Variants in NELL2 observed in about 807,000 individuals in gnomAD.
NELL2 encodes neural EGFL like 2.
Under a neutral mutation model 109.6 loss-of-function variants are expected in NELL2, and 41 were observed. The ratio of observed to expected loss-of-function variants is 0.37; its 90% CI spans 0.29 to 0.49. NELL2 has a LOEUF of 0.49. Ranked by LOEUF, NELL2 falls within the 20% of genes least tolerant of loss-of-function variation. NELL2 has a pLI of 0.98. For synonymous variants in NELL2, 355 were observed against 344.7 expected, an observed-to-expected ratio of 1.03 and a Z score of -0.33; for missense variants, 900 against 1,008.3, an observed-to-expected ratio of 0.89 and a Z score of 1.45.
intron 12 of NELL2, among the ~76,000 whole-genome samples, chr12:44,699,446 G>A (rs947341848): frequency 2.6e-5 from 4 of 152,072 alleles, no homozygotes; most frequent in African/African-American, 7.2e-5. Context: ...GTTATCATCT[G>A]CCTGGCTGAG....
intron 1 of NELL2, among the ~76,000 whole-genome samples, chr12:44,890,496 A>G (rs1452660300): frequency 6.6e-6 from 1 of 152,162 alleles, no homozygotes; most frequent in East Asian, 1.9e-4. Context: ...TTTATTCAAG[A>G]GGTATTTGTG....
chr12:44,795,149 A>T (rs1034226066), intron 3 of NELL2, among the ~76,000 whole-genome samples: 1 of 152,204 alleles, frequency 6.6e-6, no homozygotes, highest in Admixed American at 6.5e-5. Flanking sequence ...GGTTGCACAC[A>T]ACATGAAATG....
intron 3 of NELL2, among the ~76,000 whole-genome samples, chr12:44,795,202 T>C (rs961740829): frequency 3.3e-5 from 5 of 152,106 alleles, no homozygotes; most frequent in African/African-American, 1.2e-4. Context: ...AATAGGAAAA[T>C]GATCAGACCA....
rs1942134217 is a variant in NELL2, at chr12:44,532,720, G to A, written c.1665C>T (p.Asp555=). The A allele has an allele frequency of 6.2e-7, 1 of 1,601,784 alleles. No homozygotes were observed. Among genetic ancestry groups the A allele is most frequent in the Non-Finnish European group, 8.5e-7 (1 of 1,175,240 alleles). ...CAAAACCATCAGAGCATTCATCAAT[G>A]TCTGGCAAAAAAAGAGGGATTTTAT... ...QGFTGPSCET[D]IDECSDGFVQ... Residue 555 remains aspartate, a splice_region_variant and synonymous_variant, in exon 16 of 20, where the codon GAC becomes GAT. Coordinates refer to ENST00000429094, the MANE Select transcript of NELL2 (RefSeq NM_001145108.2).
At chr12:44,727,100 C>T (rs1187531536) in intron 9 of NELL2, among the ~76,000 whole-genome samples, 2 of 152,048 alleles carry the variant, frequency 1.3e-5, no homozygotes, top group Non-Finnish European at 2.9e-5. Context: ...GATACTAATG[C>T]TGCTGGTTCA....
intron 15 of NELL2, among the ~76,000 whole-genome samples, chr12:44,602,736 C>T (rs1162808204): frequency 6.6e-6 from 1 of 151,800 alleles, no homozygotes; most frequent in African/African-American, 2.4e-5. Flanking sequence ...TTTTTTTAGA[C>T]TTCGTATGTA....
chr12:44,775,329 G>A (rs1941715237), intron 8 of NELL2, among the ~76,000 whole-genome samples: 1 of 146,832 alleles, frequency 6.8e-6, no homozygotes, highest in African/African-American at 2.7e-5. Flanking sequence ...GAATAAACTG[G>A]ATGAACTTTG....
intron 2 of NELL2, among the ~76,000 whole-genome samples, chr12:44,835,807 C>G (rs1324517974): frequency 6.6e-6 from 1 of 152,172 alleles, no homozygotes; most frequent in Admixed American, 6.5e-5. Flanking sequence ...CAAGATGAGA[C>G]AGAGGGATGC....
intron 9 of NELL2, among the ~76,000 whole-genome samples, chr12:44,763,373 T>C (rs560800703): frequency 6.6e-6 from 1 of 152,200 alleles, no homozygotes; most frequent in Non-Finnish European, 1.5e-5. Context: ...TTTAAAAGCA[T>C]GATGCTTACC....
At chr12:44,881,870 T>C (rs1413147959) in intron 1 of NELL2, 1 of 151,582 alleles carries the variant, frequency 6.6e-6, no homozygotes, top group Non-Finnish European at 1.5e-5. Context: ...GAACTATCAA[T>C]AGAGAAGAAA....
At chr12:44,543,759 C>T (rs942677117) in intron 15 of NELL2, among the ~76,000 whole-genome samples, 2 of 152,152 alleles carry the variant, frequency 1.3e-5, no homozygotes, top group African/African-American at 4.8e-5. Flanking sequence ...GGTTTCTCTA[C>T]CAATTCTAGT....
In NELL2 at chr12:44,513,797, C is replaced by T. The variant is rs567087721; in HGVS notation, c.2401-4813G>A. Among the ~76,000 whole-genome samples the T allele has an allele frequency of 2.6e-5, 4 of 151,436 alleles. No individual in the cohort carries two copies. The South Asian group carries it at 6.2e-4, about 24-fold the overall frequency. ...CTTTAGGATAATTAAACCATCTAAG[C>T]GAATGTTTAATTGGAGTCTCAGAAA... On this transcript the variant is annotated intron_variant, in intron 19 of 19. Transcript: ENST00000429094.
intron 15 of NELL2, among the ~76,000 whole-genome samples, chr12:44,568,727 G>A (rs1943753102): frequency 6.6e-6 from 1 of 151,678 alleles, no homozygotes; most frequent in African/African-American, 2.4e-5. Flanking sequence ...ATGTATATGT[G>A]TACATACATA....
intron 13 of NELL2, among the ~76,000 whole-genome samples, chr12:44,637,911 A>G (rs1946704138): frequency 6.6e-6 from 1 of 152,018 alleles, no homozygotes; most frequent in South Asian, 2.1e-4. Context: ...CAAAATTACT[A>G]CAACAGCAGT....
At chr12:44,699,026 A>AT (rs1361184853) in intron 12 of NELL2, among the ~76,000 whole-genome samples, 4 of 152,164 alleles carry the variant, frequency 2.6e-5, no homozygotes, top group African/African-American at 9.6e-5. Flanking sequence ...GAATAGTGGA[A>AT]TGTGAGGATA....
intron 2 of NELL2, among the ~76,000 whole-genome samples, chr12:44,863,290 A>T (rs1313113463): frequency 6.6e-6 from 1 of 152,230 alleles, no homozygotes. Flanking sequence ...CTGGAGAAAG[A>T]TATCCAGATA....
At chr12:44,912,774 C>T (rs1945794259) in intron 1 of NELL2, among the ~76,000 whole-genome samples, 1 of 152,074 alleles carries the variant, frequency 6.6e-6, no homozygotes, top group African/African-American at 2.4e-5. Context: ...GTTAATGTGG[C>T]CAAAACAAAA....
rs372822250 is a variant in NELL2 at position 44,528,020 on chromosome 12, G to A, written c.1805-4536C>T. Among the ~76,000 whole-genome samples the A allele has an allele frequency of 7.3e-4, 110 of 150,234 alleles. 2 individuals are homozygous for A. The South Asian group carries it at 0.022, about 31-fold the overall frequency. On this transcript the variant is annotated intron_variant, in intron 16 of 19. Transcript: ENST00000429094. The stretch of plus-strand genomic sequence containing the variant: ...GAGGCAGGAGAATGGCGTGAACCGG[G>A]GAGGTGGAGCTTGCTTGCAGTGAGC...
rs990435293 is a variant in NELL2 at position 44,774,512 on chromosome 12, C to T, written c.994+235G>A. The T allele has an allele frequency of 9.1e-6, 4 of 441,080 alleles. No individual in the cohort carries two copies. The East Asian group carries it at 1.6e-4, about 18-fold the overall frequency. 27.3% of individuals were successfully genotyped at this position (441,080 alleles called of 1,614,324 possible). ...AGTTTCTTACACATGTTTCCTACTA[C>T]TATCACTATATGGAATAGATTACTC... On this transcript the variant is annotated intron_variant, in intron 9 of 19. Coordinates refer to ENST00000429094, the MANE Select transcript of NELL2 (RefSeq NM_001145108.2).
Sources: allele counts gnomAD v4.1 joint callset (sites outside exome capture counted in the v4.1 genomes callset), GRCh38; gene constraint gnomAD v4.1.1; transcripts MANE v1.5; gene names NCBI Gene and HGNC (gene_info 2026-07-23, HGNC 2026-07-21).